The following OR5P3 variants were observed in gnomAD, a reference collection of about 807,000 sequenced individuals.
OR5P3 encodes olfactory receptor family 5 subfamily P member 3, also known as olfactory receptor 5P3.
For missense variants in OR5P3, 415 were observed against 375.6 expected (o/e 1.10, Z -0.87); for synonymous variants, 172 against 141.8 (o/e 1.21, Z -1.51).
At chr11:7,828,349 G>A (rs539498149) in intron 1 of OR5P3, among the ~76,000 whole-genome samples, 40 of 152,326 alleles carry the variant, frequency 2.6e-4, no homozygotes, top group African/African-American at 8.7e-4. Context: ...GGGACCTCTT[G>A]ATTCAAGAGA....
At chr11:7,830,452 A>T (rs769652522) in intron 1 of OR5P3, among the ~76,000 whole-genome samples, 5 of 152,188 alleles carry the variant, frequency 3.3e-5, no homozygotes, top group Non-Finnish European at 7.3e-5. Flanking sequence ...GAAAAGATAG[A>T]TGTGTATAAT....
In OR5P3 at chr11:7,825,280, G is replaced by C. The variant is rs776145855; in HGVS notation, c.693C>G (p.Thr231=). Residue 231 remains threonine (T), a synonymous_variant, in exon 2 of 2, where the codon ACC becomes ACG. Transcript: ENST00000641167. ...ILITILKMHS[T]KGRHKAFSTC... ...TGGAGAAGGCCTTGTGGCGGCCCTT[G>C]GTGGAGTGCATCTTCAGGATGGTGA... 1 of 1,613,156 alleles carries C rather than the reference G, an allele frequency of 6.2e-7. No individual in the cohort carries two copies. Among genetic ancestry groups the C allele is most frequent in the South Asian group, 1.1e-5 (1 of 91,080 alleles).
chr11:7,828,249 C>T (rs1589932681), intron 1 of OR5P3, among the ~76,000 whole-genome samples: 1 of 152,038 alleles, frequency 6.6e-6, no homozygotes. Context: ...TGTTCAAAAC[C>T]AATACTGAGG....
Position 7,825,133 on chromosome 11 carries a change from C to T in OR5P3, c.840G>A (p.Val280=). The part of the protein sequence containing the change: ...QNKVVSVFYT[V]VIPMLNPLIY... ...TCAGGGGGTTCAACATGGGAATCAC[C>T]ACGGTGTAGAACACAGACACCACCT... Residue 280 remains valine (V), a synonymous_variant, in exon 2 of 2, where the codon GTG becomes GTA. Coordinates refer to ENST00000641167, the MANE Select transcript of OR5P3 (RefSeq NM_153445.2). 1.2e-6 allele frequency: 2 copies of T among 1,606,190 alleles called. No homozygotes were observed. The highest frequency in any genetic ancestry group is 1.1e-5 in the South Asian group (1 of 91,078).
chr11:7,825,210 T>C lies in OR5P3; in HGVS notation c.763A>G (p.Ile255Val), dbSNP rs1165686236. ...LTAVTLFYGT[I>V]TFIYVMPKSS... is the part of the protein sequence containing the mutation. ...TTGGGCATCACATAAATGAAGGTAA[T>C]GGTCCCATAGAACAGAGTGACTGCA... Residue 255 changes from isoleucine (I) to valine (V), a missense_variant, in exon 2 of 2, where the codon ATT (isoleucine) becomes GTT (valine). Transcript: ENST00000641167. 23 of 1,612,792 alleles carry C rather than the reference T, an allele frequency of 1.4e-5. No individual in the cohort carries two copies. Among genetic ancestry groups the C allele is most frequent in the Non-Finnish European group, 1.9e-5 (23 of 1,180,020 alleles).
At chr11:7,828,452 G>A (rs1392421398) in intron 1 of OR5P3, among the ~76,000 whole-genome samples, 3 of 152,112 alleles carry the variant, frequency 2.0e-5, no homozygotes, top group African/African-American at 7.2e-5. Flanking sequence ...ACACACAATT[G>A]TCTAACATAC....
chr11:7,828,832 G>C (rs565917867), intron 1 of OR5P3, among the ~76,000 whole-genome samples: 3 of 152,222 alleles, frequency 2.0e-5, no homozygotes, highest in Admixed American at 6.5e-5. Context: ...ATTACATATG[G>C]TCTGTCAAGA....
Position 7,825,952 on chromosome 11 carries a change from G to T in OR5P3, c.21C>A (p.Thr7=), listed in dbSNP as rs763859768. ...CCAAAAGAGTAAACTCTACCACAGT[G>T]GTGTCATTTCCAGTCCCCATCTATA... MGTGND[T]TVVEFTLLGL... Residue 7 remains threonine, a synonymous_variant, in exon 2 of 2, where the codon ACC becomes ACA. Coordinates refer to ENST00000641167, the MANE Select transcript of OR5P3 (RefSeq NM_153445.2). 5 of 1,562,310 alleles carry T rather than the reference G, an allele frequency of 3.2e-6. No homozygotes were observed. Among genetic ancestry groups the T allele is most frequent in the Admixed American group, 1.8e-5 (1 of 56,568 alleles).
At chr11:7,826,642 G>A (rs1020843927) in intron 1 of OR5P3, among the ~76,000 whole-genome samples, 4 of 152,188 alleles carry the variant, frequency 2.6e-5, no homozygotes, top group Non-Finnish European at 5.9e-5. Context: ...CAAGTAAACA[G>A]AGGAAGACTG....
Position 7,825,713 on chromosome 11 carries a change from C to A in OR5P3, c.260G>T (p.Arg87Met). ...AGCAACAGGGAGAGAGGTTTCTTTCCTTAGGAAGCTCATGAGCATGACAGG... is the reference window on the plus strand; with the variant it reads ...AGCAACAGGGAGAGAGGTTTCTTTCATTAGGAAGCTCATGAGCATGACAGG... ...VTPVMLMSFLRKETSLPVAGC... is the reference protein window; with the variant it reads ...VTPVMLMSFLMKETSLPVAGC... Residue 87 changes from arginine to methionine, a missense_variant, in exon 2 of 2, where the codon AGG becomes ATG. Arg to Met is a moderately conservative substitution (Grantham distance 91). Coordinates refer to ENST00000641167, the MANE Select transcript of OR5P3 (RefSeq NM_153445.2). 6.2e-7 allele frequency: 1 copy of A among 1,613,198 alleles called. No individual in the cohort carries two copies. The highest frequency in any genetic ancestry group is 1.1e-5 in the South Asian group (1 of 91,082).
chr11:7,825,537 C>T lies in OR5P3; in HGVS notation c.436G>A (p.Gly146Ser). 3 of 1,613,068 alleles carry T rather than the reference C, an allele frequency of 1.9e-6. No individual in the cohort carries two copies. The highest frequency in any genetic ancestry group is 2.5e-6 in the Non-Finnish European group (3 of 1,180,016). Residue 146 changes from glycine to serine, a missense_variant, in exon 2 of 2, where the codon GGC (glycine) becomes AGC (serine). By Grantham distance (56) the Gly-to-Ser change is moderately conservative. Coordinates refer to ENST00000641167, the MANE Select transcript of OR5P3 (RefSeq NM_153445.2). ...ACACATCCACCCAGGTAGGACATGC[C>T]CACTAAGATGATGCAGACTCCAGGG... ...MSPGVCIILV[G>S]MSYLGGCVNA...
chr11:7,828,261 C>T (rs1027388652), intron 1 of OR5P3, among the ~76,000 whole-genome samples: 3 of 152,046 alleles, frequency 2.0e-5, no homozygotes, highest in Non-Finnish European at 4.4e-5. Flanking sequence ...ATACTGAGGA[C>T]ATAAGAAATT....
At chr11:7,828,040 A>G (rs911536034) in intron 1 of OR5P3, among the ~76,000 whole-genome samples, 5 of 152,130 alleles carry the variant, frequency 3.3e-5, no homozygotes, top group Non-Finnish European at 7.4e-5. Flanking sequence ...ATAAAACTCA[A>G]CTATGGGTAT....
chr11:7,826,036 A>G (rs1436814842), intron 1 of OR5P3, 43 bp from the exon 2 acceptor site: 5 of 897,312 alleles, frequency 5.6e-6, no homozygotes, highest in Non-Finnish European at 8.6e-6. Context: ...ATTAAATGCT[A>G]TAATTGCACA....
At position 7,824,979 on chromosome 11, in the gene OR5P3, TTATTATTATTATATATAGAATATTAA is replaced by T; in HGVS notation, c.*32_*57del. The T allele has an allele frequency of 7.8e-7, 1 of 1,282,892 alleles. No homozygotes were observed. Among genetic ancestry groups the T allele is most frequent in the South Asian group, 1.7e-5 (1 of 58,038 alleles). 79.5% of individuals were successfully genotyped at this position (1,282,892 alleles called of 1,614,324 possible). Reference sequence around the variant, plus strand: ...ATTTTGACCACAAACACTCGGTGTCTTATTATTATTATATATAGAATATTAATATATCAGATTCTTCAAACTAACTA... The same window carrying T: ...ATTTTGACCACAAACACTCGGTGTCTTATATCAGATTCTTCAAACTAACTA... On this transcript the variant is annotated 3_prime_UTR_variant, in exon 2 of 2. Transcript: ENST00000641167.
Position 7,825,737 on chromosome 11 carries a change from G to T in OR5P3, c.236C>A (p.Pro79His), listed in dbSNP as rs1160626172. The T allele has an allele frequency of 1.9e-6, 3 of 1,613,246 alleles. No homozygotes were observed. Among genetic ancestry groups the T allele is most frequent in the Non-Finnish European group, 2.5e-6 (3 of 1,180,026 alleles). The part of the protein sequence containing the change: ...VDIGYSSSVT[P>H]VMLMSFLRKE... ...CCTTAGGAAGCTCATGAGCATGACAGGTGTGACTGATGAGGAGTACCCAAT... is the reference window on the plus strand; with the variant it reads ...CCTTAGGAAGCTCATGAGCATGACATGTGTGACTGATGAGGAGTACCCAAT... The change falls in exon 2 of 2, where the codon CCT becomes CAT. Residue 79 changes from proline (P) to histidine (H), a missense_variant. Transcript: ENST00000641167.
At position 7,824,897 on chromosome 11, in the gene OR5P3, C is replaced by G; in HGVS notation, c.*140G>C. The G allele has an allele frequency of 2.1e-6, 1 of 484,348 alleles. No homozygotes were observed. The highest frequency in any genetic ancestry group is 3.4e-5 in the East Asian group (1 of 29,128). 30.0% of individuals were successfully genotyped at this position (484,348 alleles called of 1,614,324 possible). A position where few individuals can be genotyped will look rare whatever the true frequency, so the allele number is the denominator to read the frequency against. On this transcript the variant is annotated 3_prime_UTR_variant, in exon 2 of 2. Coordinates refer to ENST00000641167, the MANE Select transcript of OR5P3 (RefSeq NM_153445.2). ...CTAATTTCCTATTCTATCTGAAAAT[C>G]TTCCCTCCTGATTGACTAAAAAGCT...
At position 7,825,918 on chromosome 11, in the gene OR5P3, C is replaced by CGG; in HGVS notation, c.54_55insCC (p.Glu19ProfsTer15). On this transcript the variant is annotated frameshift_variant, in exon 2 of 2. Coordinates refer to ENST00000641167, the MANE Select transcript of OR5P3 (RefSeq NM_153445.2). LOFTEE classifies it low-confidence loss of function (END_TRUNC). ...AAAATAGCACAAACTGTAGTATCCT[C>CGG]AGATAACCCCAAAAGAGTAAACTCT... 6.2e-7 allele frequency: 1 copy of CGG among 1,601,618 alleles called. No individual in the cohort carries two copies. Among genetic ancestry groups the CGG allele is most frequent in the Non-Finnish European group, 8.5e-7 (1 of 1,173,084 alleles).
chr11:7,827,449 T>C (rs1168576462), intron 1 of OR5P3, among the ~76,000 whole-genome samples: 3 of 152,096 alleles, frequency 2.0e-5, no homozygotes, highest in Non-Finnish European at 4.4e-5. Context: ...GAGTGCCTGA[T>C]AGATGAGGGG....
Sources: allele counts gnomAD v4.1 joint callset (sites outside exome capture counted in the v4.1 genomes callset), GRCh38; gene constraint gnomAD v4.1.1; transcripts MANE v1.5; gene names NCBI Gene and HGNC (gene_info 2026-07-23, HGNC 2026-07-21).